KCTD3: variants seen among roughly 807,000 people sequenced by gnomAD.
KCTD3 encodes BTB/POZ domain-containing protein KCTD3.
KCTD3 carries 41 observed loss-of-function variants against 85.8 expected under a neutral mutation model. That is an observed-to-expected ratio of 0.48 (90% CI 0.37 to 0.62). The LOEUF is 0.62. KCTD3 is among the 20% of genes least tolerant of loss of function. The pLI, the probability that KCTD3 is intolerant of heterozygous loss-of-function variation, is 0.00. For synonymous variants in KCTD3, 338 were observed against 345.4 expected (o/e 0.98, Z 0.24); for missense variants, 724 against 989.9 (o/e 0.73, Z 3.60).
At chr1:215,597,750 G>C (rs954177944) in intron 10 of KCTD3, among the ~76,000 whole-genome samples, 25 of 152,194 alleles carry the variant, frequency 1.6e-4, no homozygotes, top group African/African-American at 5.8e-4. Context: ...TCTCTTTCCT[G>C]TTGTGAGGCA....
rs138597417 is a variant in KCTD3, at chr1:215,604,151, C to T, written c.1158C>T (p.Ile386=). 4.3e-5 allele frequency: 70 copies of T among 1,612,256 alleles called. No individual in the cohort carries two copies. Among genetic ancestry groups the T allele is most frequent in the Admixed American group, 2.3e-4 (14 of 59,686 alleles). Residue 386 remains isoleucine, a synonymous_variant, in exon 13 of 18, where the codon ATC becomes ATT. Coordinates refer to ENST00000259154, the MANE Select transcript of KCTD3 (RefSeq NM_016121.5). ...ATATAGGTGTCAGTGGTAACTGGATCGAGATCGCCTATGGTACGAGCTCTG... is the reference window on the plus strand; with the variant it reads ...ATATAGGTGTCAGTGGTAACTGGATTGAGATCGCCTATGGTACGAGCTCTG... The part of the protein sequence containing the change: ...TPKTSVSGNW[I]EIAYGTSSGA...
chr1:215,584,669 A>G (rs752399695), intron 8 of KCTD3, among the ~76,000 whole-genome samples: 7 of 152,140 alleles, frequency 4.6e-5, no homozygotes, highest in African/African-American at 9.7e-5. Context: ...AGTTTTTCCC[A>G]GGGGCTTTTA....
intron 13 of KCTD3, among the ~76,000 whole-genome samples, chr1:215,605,667 GATTT>G (rs1276003488): frequency 6.6e-6 from 1 of 152,076 alleles, no homozygotes; most frequent in East Asian, 1.9e-4. Flanking sequence ...AAAACTTAAT[GATTT>G]CTCCCTCAAA....
chr1:215,576,854 C>T (rs1659605832), intron 4 of KCTD3, among the ~76,000 whole-genome samples: 1 of 152,134 alleles, frequency 6.6e-6, no homozygotes, highest in South Asian at 2.1e-4. Context: ...AGGTGTGAGC[C>T]ACCGCCCCCA....
At chr1:215,594,344 G>A (rs1451809092) in intron 9 of KCTD3, among the ~76,000 whole-genome samples, 2 of 152,202 alleles carry the variant, frequency 1.3e-5, no homozygotes, top group African/African-American at 4.8e-5. Flanking sequence ...AGGCCAATAT[G>A]CCGCACCAAG....
intron 10 of KCTD3, among the ~76,000 whole-genome samples, chr1:215,598,842 A>G (rs1354194633): frequency 6.6e-6 from 1 of 152,214 alleles, no homozygotes; most frequent in Non-Finnish European, 1.5e-5. Context: ...AAAAAGTGAG[A>G]AAGCATTTCA....
intron 3 of KCTD3, among the ~76,000 whole-genome samples, chr1:215,574,421 TG>T (rs1268418518): frequency 6.6e-6 from 1 of 152,126 alleles, no homozygotes; most frequent in Non-Finnish European, 1.5e-5. Flanking sequence ...AGTGGATAAA[TG>T]TAAATATTCT....
At chr1:215,571,801 T>C (rs370783791) in intron 1 of KCTD3, among the ~76,000 whole-genome samples, 1 of 152,052 alleles carries the variant, frequency 6.6e-6, no homozygotes, top group Non-Finnish European at 1.5e-5. Flanking sequence ...CTGGCTAATT[T>C]TTCGTAGTTT....
At chr1:215,583,119 G>GTT (rs911433013) in intron 8 of KCTD3, among the ~76,000 whole-genome samples, 1 of 146,386 alleles carries the variant, frequency 6.8e-6, no homozygotes, top group East Asian at 2.0e-4. Context: ...AGATTATATA[G>GTT]TTTTTTTTTT....
intron 13 of KCTD3, among the ~76,000 whole-genome samples, chr1:215,607,739 TACAC>T (rs1232604271): frequency 6.6e-6 from 1 of 152,016 alleles, no homozygotes; most frequent in Non-Finnish European, 1.5e-5. Context: ...TCTTTTTTCT[TACAC>T]ACACATTATT....
At chr1:215,612,056 A>G in intron 15 of KCTD3, 135 bp downstream of exon 15, 2 of 608,106 alleles carry the variant, frequency 3.3e-6, no homozygotes, top group Admixed American at 2.8e-5. Context: ...TTATCTCATA[A>G]TCATAACTCA....
intron 5 of KCTD3, 47 bp downstream of exon 5, chr1:215,577,775 G>C (rs779800518): frequency 1.2e-5 from 17 of 1,395,932 alleles, no homozygotes; most frequent in East Asian, 6.8e-5. Context: ...ACTCATGTAT[G>C]AAAGTTGCCC....
At chr1:215,584,070 T>A (rs1434798336) in intron 8 of KCTD3, among the ~76,000 whole-genome samples, 2 of 152,108 alleles carry the variant, frequency 1.3e-5, no homozygotes, top group African/African-American at 4.8e-5. Context: ...GCTGATGTGC[T>A]AGCCAATTCC....
At chr1:215,574,009 G>T (rs1659472339) in intron 2 of KCTD3, 64 bp from the exon 3 acceptor site, 3 of 1,228,770 alleles carry the variant, frequency 2.4e-6, no homozygotes, top group South Asian at 1.4e-5. Context: ...ATTTGGTAAA[G>T]AATTAGCACA....
chr1:215,619,335 T>C, intron 17 of KCTD3, 44 bp downstream of exon 17: 7 of 1,509,134 alleles, frequency 4.6e-6, no homozygotes, highest in African/African-American at 1.4e-5. Flanking sequence ...TTATTTCTTT[T>C]GGGGAAATTG....
chr1:215,610,035 A>G (rs1197605507), intron 14 of KCTD3, among the ~76,000 whole-genome samples: 1 of 151,996 alleles, frequency 6.6e-6, no homozygotes, highest in Non-Finnish European at 1.5e-5. Flanking sequence ...AATTAATTAT[A>G]AAACCCAGTA....
chr1:215,620,777 A>T lies in KCTD3; in HGVS notation c.*159A>T. The T allele has an allele frequency of 1.8e-6, 1 of 543,220 alleles. No homozygotes were observed. The highest frequency in any genetic ancestry group is 3.6e-5 in the South Asian group (1 of 27,398). 33.6% of individuals were successfully genotyped at this position (543,220 alleles called of 1,614,324 possible). On this transcript the variant is annotated 3_prime_UTR_variant, in exon 18 of 18. Transcript: ENST00000259154. ...ATTACTTGGAATAATGAGATACAATAATCATATCTCTTTTGACATTTTGGA... is the reference window on the plus strand; with the variant it reads ...ATTACTTGGAATAATGAGATACAATTATCATATCTCTTTTGACATTTTGGA...
At position 215,620,229 on chromosome 1, in the gene KCTD3, A is replaced by T. The variant is rs1241741035; in HGVS notation, c.2059A>T (p.Asn687Tyr). Reference sequence around the variant, plus strand: ...AAATGTAGAAAGAGCTGTCCCTGAAAATGGTAACTTGGGTCCAATACAAGC... The same window carrying T: ...AAATGTAGAAAGAGCTGTCCCTGAATATGGTAACTTGGGTCCAATACAAGC... ...NRNVERAVPE[N>Y]GNLGPIQAEV... Residue 687 changes from asparagine to tyrosine, a missense_variant, in exon 18 of 18, where the codon AAT (asparagine) becomes TAT (tyrosine). This residue lies in a region of KCTD3 where 222 missense variants were observed against 217.7 expected (regional missense o/e 1.02). Transcript: ENST00000259154. 1 of 1,613,808 alleles carries T rather than the reference A, an allele frequency of 6.2e-7. No homozygotes were observed. The highest frequency in any genetic ancestry group is 2.2e-5 in the East Asian group (1 of 44,872).
intron 13 of KCTD3, among the ~76,000 whole-genome samples, chr1:215,607,589 G>A (rs965119947): frequency 6.6e-6 from 1 of 151,960 alleles, no homozygotes; most frequent in Admixed American, 6.6e-5. Context: ...AATGTCATTT[G>A]TGCCAATAAT....
Sources: gnomAD v4.1 joint callset for allele counts (sites outside exome capture counted in the v4.1 genomes callset) on GRCh38, gnomAD v4.1.1 for gene constraint, gnomAD v4.1.1 regional missense constraint, MANE v1.5 for transcripts, NCBI Gene and HGNC (gene_info 2026-07-23, HGNC 2026-07-21) for gene names.